The following LRP1B variants were observed in gnomAD, a reference collection of about 807,000 sequenced individuals.
The protein encoded by LRP1B is LDL receptor related protein 1B.
Under a neutral mutation model 556.6 loss-of-function variants are expected in LRP1B, and 217 were observed. The ratio of observed to expected loss-of-function variants is 0.39; its 90% CI spans 0.35 to 0.44. LRP1B has a LOEUF of 0.44. Ranked by LOEUF, LRP1B falls within the 20% of genes least tolerant of loss-of-function variation. The probability of loss-of-function intolerance (pLI) is 1.00; values close to 1 mark genes in which losing one functional copy is unlikely to be tolerated. For synonymous variants in LRP1B, 2,047 were observed against 1,865.8 expected, an observed-to-expected ratio of 1.10 and a Z score of -2.50; for missense variants, 5,053 against 5,620.8, an observed-to-expected ratio of 0.90 and a Z score of 3.23.
chr2:140,434,363 C>A (rs1686083932), intron 66 of LRP1B, among the ~76,000 whole-genome samples: 1 of 152,132 alleles, frequency 6.6e-6, no homozygotes. Context: ...AGCCACCATA[C>A]CCGGCCGAAT....
intron 83 of LRP1B, among the ~76,000 whole-genome samples, chr2:140,314,614 A>G (rs1416842032): frequency 6.6e-6 from 1 of 152,112 alleles, no homozygotes; most frequent in African/African-American, 2.4e-5. Flanking sequence ...AACAAAAACA[A>G]AACATAAACT....
chr2:142,032,353 A>G (rs1307920707), intron 1 of LRP1B, among the ~76,000 whole-genome samples: 2 of 151,792 alleles, frequency 1.3e-5, no homozygotes, highest in Admixed American at 1.3e-4. Context: ...TGCCTGTTAT[A>G]TAATTCTTTG....
At chr2:140,729,140 T>C (rs1279764427) in intron 35 of LRP1B, among the ~76,000 whole-genome samples, 1 of 152,080 alleles carries the variant, frequency 6.6e-6, no homozygotes, top group Non-Finnish European at 1.5e-5. Context: ...AAGAGAAGAA[T>C]CTAATTTTAA....
At chr2:142,029,581 A>G (rs1003629365) in intron 1 of LRP1B, among the ~76,000 whole-genome samples, 1 of 151,844 alleles carries the variant, frequency 6.6e-6, no homozygotes, top group African/African-American at 2.4e-5. Flanking sequence ...AGACACAAAC[A>G]ATTTACTAAA....
At chr2:140,278,403 A>G (rs553146780) in intron 84 of LRP1B, among the ~76,000 whole-genome samples, 2 of 152,162 alleles carry the variant, frequency 1.3e-5, no homozygotes, top group Non-Finnish European at 2.9e-5. Context: ...AAAGGCACAT[A>G]AGCAACCTTA....
chr2:142,056,366 C>G (rs13012748), intron 1 of LRP1B, among the ~76,000 whole-genome samples: 12,163 of 151,998 alleles, frequency 0.08, 551 homozygotes, highest in Non-Finnish European at 0.093. Flanking sequence ...TCTAATGATG[C>G]CAGAGAAAAC....
At chr2:141,023,868 T>G (rs1410902826) in intron 11 of LRP1B, among the ~76,000 whole-genome samples, 1 of 152,048 alleles carries the variant, frequency 6.6e-6, no homozygotes, top group East Asian at 1.9e-4. Context: ...TATCCAGTGT[T>G]ATCTATCCTT....
intron 1 of LRP1B, among the ~76,000 whole-genome samples, chr2:141,939,363 T>C (rs1183653959): frequency 6.6e-6 from 1 of 151,798 alleles, no homozygotes; most frequent in Non-Finnish European, 1.5e-5. Flanking sequence ...CATAAGGAAA[T>C]ACAAAATAGA....
intron 1 of LRP1B, among the ~76,000 whole-genome samples, chr2:142,034,187 T>A (rs919012333): frequency 6.6e-6 from 1 of 151,794 alleles, no homozygotes; most frequent in African/African-American, 2.4e-5. Context: ...ATCAGTTCTA[T>A]GTATCATTTT....
At chr2:140,771,343 T>G (rs910825708) in intron 33 of LRP1B, among the ~76,000 whole-genome samples, 4 of 152,190 alleles carry the variant, frequency 2.6e-5, no homozygotes, top group Non-Finnish European at 5.9e-5. Flanking sequence ...TTTTAAATTT[T>G]ACTTCAACTC....
At chr2:141,106,051 TTTCTAAATG>T (rs2104951199) in intron 7 of LRP1B, among the ~76,000 whole-genome samples, 1 of 152,228 alleles carries the variant, frequency 6.6e-6, no homozygotes, top group Non-Finnish European at 1.5e-5. Flanking sequence ...ACCAAGTAAG[TTTCTAAATG>T]GGTATTTCAC....
intron 66 of LRP1B, among the ~76,000 whole-genome samples, chr2:140,410,311 A>G (rs1440080734): frequency 6.6e-6 from 1 of 152,004 alleles, no homozygotes; most frequent in Non-Finnish European, 1.5e-5. Context: ...CCTTTATCTT[A>G]TCATTTCCTC....
At chr2:141,947,824 A>ACAAC (rs1553489524) in intron 1 of LRP1B, among the ~76,000 whole-genome samples, 6 of 149,106 alleles carry the variant, frequency 4.0e-5, no homozygotes, top group African/African-American at 7.4e-5. Flanking sequence ...CAGAAAAAAA[A>ACAAC]AACAACAATA....
rs878861986 is a variant in LRP1B, at chr2:141,810,113, A to AAG, written c.205+165_205+166insCT. Among the ~76,000 whole-genome samples, 529 of 77,874 alleles carry AAG rather than the reference A, an allele frequency of 6.8e-3. 2 individuals carry two copies. The highest frequency in any genetic ancestry group is 0.023 in the Middle Eastern group (3 of 128). 51.1% of individuals were successfully genotyped at this position (77,874 alleles called of 152,430 possible). ...TTTGGAAAAAAGAAAGAAAGAAAGA[A>AAG]AAAGAAAGAAAGAAAGAAAGAAAGA... On this transcript the variant is annotated intron_variant, in intron 2 of 90. Coordinates refer to ENST00000389484, the MANE Select transcript of LRP1B (RefSeq NM_018557.3).
chr2:140,287,976 G>C (rs1381973461), intron 84 of LRP1B, among the ~76,000 whole-genome samples: 3 of 151,544 alleles, frequency 2.0e-5, no homozygotes, highest in Non-Finnish European at 1.5e-5. Context: ...ATGTATTTTT[G>C]CATCTATAAA....
chr2:140,959,022 A>G (rs1573922663), intron 18 of LRP1B, among the ~76,000 whole-genome samples: 1 of 151,394 alleles, frequency 6.6e-6, no homozygotes, highest in African/African-American at 2.4e-5. Context: ...CGCTGCTCAG[A>G]TAAGTTAGAT....
chr2:141,886,733 T>C (rs79683384), intron 1 of LRP1B, among the ~76,000 whole-genome samples: 12 of 152,286 alleles, frequency 7.9e-5, no homozygotes, highest in Non-Finnish European at 1.6e-4. Flanking sequence ...ACTCACCTTT[T>C]GTTTTTGTTT....
intron 7 of LRP1B, among the ~76,000 whole-genome samples, chr2:141,169,250 C>T (rs1170492827): frequency 6.6e-6 from 1 of 151,144 alleles, no homozygotes; most frequent in Admixed American, 6.6e-5. Flanking sequence ...CATACCATTG[C>T]ATTCCAGCCT....
chr2:141,322,914 C>A (rs1231171376), intron 3 of LRP1B, among the ~76,000 whole-genome samples: 5 of 152,046 alleles, frequency 3.3e-5, no homozygotes, highest in African/African-American at 1.2e-4. Context: ...ATTAAAATTG[C>A]AGTCCTATAA....
Sources: gnomAD v4.1 joint callset for allele counts (sites outside exome capture counted in the v4.1 genomes callset) on GRCh38, gnomAD v4.1.1 for gene constraint, MANE v1.5 for transcripts, NCBI Gene and HGNC (gene_info 2026-07-23, HGNC 2026-07-21) for gene names.